Variants in ARHGEF18 observed in about 807,000 individuals in gnomAD.
ARHGEF18 encodes Rho/Rac guanine nucleotide exchange factor 18, also known as rho guanine nucleotide exchange factor 18.
A neutral mutation model predicts 155.7 loss-of-function variants in ARHGEF18; 93 were observed. That is an observed-to-expected ratio of 0.60 (90% CI 0.50 to 0.71). ARHGEF18 has a LOEUF of 0.71. ARHGEF18 is among the 30% of genes least tolerant of loss of function. The pLI is 0.00. For missense variants in ARHGEF18, 1,593 were observed against 1,816.1 expected (o/e 0.88, Z 2.23); for synonymous variants, 742 against 753.1 (o/e 0.99, Z 0.24).
intron 19 of ARHGEF18, 117 bp downstream of exon 19, chr19:7,458,807 AC>A: frequency 1.7e-6 from 2 of 1,208,346 alleles, no homozygotes; most frequent in Non-Finnish European, 2.2e-6. Flanking sequence ...CCAGCTTGGG[AC>A]CCATGACGCC....
intron 10 of ARHGEF18, among the ~76,000 whole-genome samples, chr19:7,436,922 G>A (rs543278204): frequency 1.3e-4 from 20 of 152,220 alleles, no homozygotes; most frequent in African/African-American, 2.2e-4. Context: ...GTGTTATGAC[G>A]TCAGAATGTT....
rs1303173711 is a variant in ARHGEF18, at chr19:7,464,621, C to T, written c.2835C>T (p.Pro945=). The T allele has an allele frequency of 2.5e-6, 4 of 1,613,872 alleles. No individual in the cohort carries two copies. ...TDPRPRDWRG[P]PNSPDLKLSD... is the part of the protein sequence containing the mutation. ...CCAGGCCCCGAGACTGGCGAGGCCC[C>T]CCAAACAGCCCGGACTTGAAGCTCA... is the stretch of plus-strand genomic sequence containing the variant. The change falls in exon 23 of 29, where the codon CCC becomes CCT. Residue 945 remains proline (P), a synonymous_variant. Transcript: ENST00000668164.
intron 23 of ARHGEF18, 94 bp downstream of exon 23, chr19:7,464,784 T>C: frequency 6.7e-7 from 1 of 1,494,046 alleles, no homozygotes. Flanking sequence ...GTTTTAGTCT[T>C]ATTAGCATCG....
intron 10 of ARHGEF18, among the ~76,000 whole-genome samples, chr19:7,434,046 AAG>A: frequency 6.7e-6 from 1 of 149,822 alleles, no homozygotes; most frequent in African/African-American, 2.5e-5. Flanking sequence ...AAGAAAAAAA[AAG>A]TATGGAGTCT....
At chr19:7,455,370 T>G (rs1436327800) in intron 17 of ARHGEF18, among the ~76,000 whole-genome samples, 2 of 152,184 alleles carry the variant, frequency 1.3e-5, no homozygotes, top group African/African-American at 4.8e-5. Context: ...TGTGAGAGAA[T>G]TAGCAAAAGC....
intron 2 of ARHGEF18, among the ~76,000 whole-genome samples, chr19:7,366,211 T>G (rs1969879898): frequency 1.3e-5 from 2 of 152,210 alleles, no homozygotes; most frequent in South Asian, 4.1e-4. Context: ...CCTCCTGAAG[T>G]GCTGGGATTA....
At chr19:7,459,244 C>T (rs577631706) in intron 19 of ARHGEF18, among the ~76,000 whole-genome samples, 4 of 151,820 alleles carry the variant, frequency 2.6e-5, no homozygotes, top group East Asian at 1.9e-4. Flanking sequence ...TTTTTAGAGT[C>T]TGGCTCTTGC....
At chr19:7,461,356 C>T (rs1381375901) in intron 20 of ARHGEF18, among the ~76,000 whole-genome samples, 2 of 152,158 alleles carry the variant, frequency 1.3e-5, no homozygotes, top group Non-Finnish European at 2.9e-5. Context: ...TGAGACCAGC[C>T]TGGCCAAGAT....
intron 2 of ARHGEF18, among the ~76,000 whole-genome samples, chr19:7,363,608 A>G (rs1016944780): frequency 2.6e-5 from 4 of 151,802 alleles, no homozygotes; most frequent in Admixed American, 6.6e-5. Context: ...AGGAAGATGG[A>G]TGGATGAAAG....
chr19:7,399,100 T>C (rs1339012445), intron 10 of ARHGEF18, among the ~76,000 whole-genome samples: 4 of 152,218 alleles, frequency 2.6e-5, no homozygotes, highest in African/African-American at 9.6e-5. Context: ...GTCCAGCCAA[T>C]CGCTGTTTCT....
At chr19:7,464,107 A>G (rs1976465128) in intron 22 of ARHGEF18, 152 bp downstream of exon 22, 8 of 1,145,400 alleles carry the variant, frequency 7.0e-6, no homozygotes, top group Non-Finnish European at 9.5e-6. Context: ...GCGCAATCTC[A>G]GCTCTCTGCA....
intron 10 of ARHGEF18, among the ~76,000 whole-genome samples, chr19:7,387,216 G>A (rs963957285): frequency 3.3e-5 from 5 of 151,986 alleles, no homozygotes; most frequent in Admixed American, 6.6e-5. Context: ...ACGGTGGCGC[G>A]ATCTCAGCTC....
rs1226345908 is a variant in ARHGEF18 at position 7,371,583 on chromosome 19, G to A, written c.16-1229G>A. 2.0e-5 allele frequency among the ~76,000 whole-genome samples: 3 copies of A among 152,138 alleles called. No homozygotes were observed. The East Asian group carries it at 5.8e-4, about 29-fold the overall frequency. On this transcript the variant is annotated intron_variant, in intron 2 of 28. Transcript: ENST00000668164. ...TGTCTGTAGCCCCAGCATCTTGGGA[G>A]GCCGAGGCAGTTGAATTGCCTGTGG... is the stretch of plus-strand genomic sequence containing the variant.
At chr19:7,353,064 G>T (rs1433505348) in intron 1 of ARHGEF18, among the ~76,000 whole-genome samples, 4 of 147,314 alleles carry the variant, frequency 2.7e-5, no homozygotes, top group Non-Finnish European at 6.0e-5. Context: ...TCGAACTCCT[G>T]ACCTCCAGTG....
chr19:7,456,728 G>A lies in ARHGEF18; in HGVS notation c.2181+325G>A, dbSNP rs767289168. Reference sequence around the variant, plus strand: ...TGCTCTCCCGCCTGGGCAACAGAGCGAGACTCTATCTCAAAACAAAAAAAC... The same window carrying A: ...TGCTCTCCCGCCTGGGCAACAGAGCAAGACTCTATCTCAAAACAAAAAAAC... On this transcript the variant is annotated intron_variant, in intron 18 of 28. Transcript: ENST00000668164. 3.2e-4 allele frequency among the ~76,000 whole-genome samples: 49 copies of A among 152,262 alleles called. 1 individual carries two copies. The highest frequency in any genetic ancestry group is 1.8e-3 in the Admixed American group (27 of 15,294).
At chr19:7,453,311 G>T (rs1384590649) in intron 16 of ARHGEF18, among the ~76,000 whole-genome samples, 156 bp from the exon 17 acceptor site, 1 of 151,990 alleles carries the variant, frequency 6.6e-6, no homozygotes, top group African/African-American at 2.4e-5. Context: ...GGTCTTCTGA[G>T]TGGTGGCCTT....
At chr19:7,402,287 T>C (rs1972055901) in intron 10 of ARHGEF18, among the ~76,000 whole-genome samples, 1 of 152,058 alleles carries the variant, frequency 6.6e-6, no homozygotes, top group African/African-American at 2.4e-5. Context: ...GGTGTGGTGG[T>C]GCGTGCCTGT....
In ARHGEF18 at chr19:7,440,148, C is replaced by T; in HGVS notation, c.968-196C>T. 1 of 1,551,324 alleles carries T rather than the reference C, an allele frequency of 6.4e-7. No individual in the cohort carries two copies. The highest frequency in any genetic ancestry group is 8.7e-7 in the Non-Finnish European group (1 of 1,146,942). ...AAGCGGGGACAGGCACAGCGCGCTC[C>T]CCGGCCGCCCCGAGCTGTCTTTTTA... On this transcript the variant is annotated intron_variant, in intron 10 of 28. Transcript: ENST00000668164. The surrounding 1 kb of genome is among the most constrained non-coding windows in gnomAD (Gnocchi z 5.4).
chr19:7,351,150 A>G (rs1056811344), intron 1 of ARHGEF18, among the ~76,000 whole-genome samples: 1 of 152,066 alleles, frequency 6.6e-6, no homozygotes, highest in South Asian at 2.1e-4. Context: ...TCTGGCACGT[A>G]ATAGATCAGA....
Sources: allele counts gnomAD v4.1 joint callset (sites outside exome capture counted in the v4.1 genomes callset), GRCh38; gene constraint gnomAD v4.1.1; non-coding constraint Gnocchi (gnomAD v3.1); transcripts MANE v1.5; gene names NCBI Gene and HGNC (gene_info 2026-07-23, HGNC 2026-07-21).